RAP1A: variants seen among roughly 807,000 people sequenced by gnomAD.
RAP1A encodes ras-related protein Rap-1A.
RAP1A carries 6 observed loss-of-function variants against 26.4 expected under a neutral mutation model. The observed-to-expected ratio is 0.23, with a 90% CI of 0.12 to 0.45. RAP1A has a LOEUF of 0.45. Ranked by LOEUF, RAP1A falls within the 20% of genes least tolerant of loss-of-function variation. The probability of loss-of-function intolerance (pLI) is 0.99; values close to 1 mark genes in which losing one functional copy is unlikely to be tolerated. For missense variants in RAP1A, 121 were observed against 217.2 expected (o/e 0.56, Z 2.78); for synonymous variants, 73 against 79.4 (o/e 0.92, Z 0.43).
chr1:111,605,239 C>T (rs982750236), intron 1 of RAP1A, among the ~76,000 whole-genome samples: 1 of 152,168 alleles, frequency 6.6e-6, no homozygotes, highest in African/African-American at 2.4e-5. Context: ...GGCCAATTTA[C>T]CCGACCGATT....
In RAP1A at chr1:111,559,634, A is replaced by G. The variant is rs181930455; in HGVS notation, c.-28+17125A>G. Among the ~76,000 whole-genome samples the G allele has an allele frequency of 3.3e-3, 506 of 152,316 alleles. 1 individual carries two copies. Among genetic ancestry groups the G allele is most frequent in the Non-Finnish European group, 5.8e-3 (395 of 68,030 alleles). On this transcript the variant is annotated intron_variant, in intron 1 of 7. Coordinates refer to the RAP1A transcript ENST00000356415. ...CAATGACACAAACTATATTTTGGGA[A>G]AGTATAAGCATTATGCAAATATAAA...
chr1:111,602,107 T>C (rs1330097827), intron 1 of RAP1A: 1 of 152,222 alleles, frequency 6.6e-6, no homozygotes, highest in Non-Finnish European at 1.5e-5. Flanking sequence ...CCAAACAGCG[T>C]TTGCAAACAA....
intron 1 of RAP1A, among the ~76,000 whole-genome samples, chr1:111,613,694 A>T (rs1169831804): frequency 1.3e-5 from 2 of 152,200 alleles, no homozygotes; most frequent in African/African-American, 2.4e-5. Context: ...GCCCTGATTC[A>T]CCTAGACGAG....
intron 1 of RAP1A, among the ~76,000 whole-genome samples, chr1:111,599,139 TTG>T (rs1658618324): frequency 6.6e-6 from 1 of 152,188 alleles, no homozygotes; most frequent in Non-Finnish European, 1.5e-5. Flanking sequence ...CCCTATTCTT[TTG>T]TGTTTTTATG....
intron 1 of RAP1A, among the ~76,000 whole-genome samples, chr1:111,677,159 A>G (rs1257072285): frequency 2.6e-5 from 4 of 152,208 alleles, no homozygotes; most frequent in Non-Finnish European, 5.9e-5. Context: ...TATTTTGCTG[A>G]ACATGTTTTT....
chr1:111,688,368 G>T (rs1453816476), intron 1 of RAP1A, among the ~76,000 whole-genome samples: 8 of 142,898 alleles, frequency 5.6e-5, no homozygotes, highest in Non-Finnish European at 1.1e-4. Flanking sequence ...TGCCCAGGCT[G>T]CAGTGCTGTG....
chr1:111,693,553 C>G (rs557248200), intron 2 of RAP1A, among the ~76,000 whole-genome samples: 2 of 152,178 alleles, frequency 1.3e-5, no homozygotes, highest in South Asian at 4.2e-4. Context: ...AAAATTAAGA[C>G]AGAGGATAAG....
chr1:111,641,554 T>C (rs567168801), intron 1 of RAP1A, among the ~76,000 whole-genome samples: 1 of 152,250 alleles, frequency 6.6e-6, no homozygotes, highest in Non-Finnish European at 1.5e-5. Context: ...AGTTCAAATA[T>C]GGTTTGCGGG....
At chr1:111,610,280 T>C (rs571695816) in intron 1 of RAP1A, among the ~76,000 whole-genome samples, 1 of 152,326 alleles carries the variant, frequency 6.6e-6, no homozygotes, top group African/African-American at 2.4e-5. Context: ...GGCCAATCTA[T>C]AACAATCCTA....
At chr1:111,678,818 T>G (rs1327070534) in intron 1 of RAP1A, among the ~76,000 whole-genome samples, 1 of 152,112 alleles carries the variant, frequency 6.6e-6, no homozygotes, top group Non-Finnish European at 1.5e-5. Flanking sequence ...CACTTGTTAG[T>G]CTGGTAGCAT....
chr1:111,670,609 A>G (rs1660944288), intron 1 of RAP1A, among the ~76,000 whole-genome samples: 1 of 152,236 alleles, frequency 6.6e-6, no homozygotes, highest in Non-Finnish European at 1.5e-5. Flanking sequence ...AATAGAAAAG[A>G]GGTCTACAAT....
intron 1 of RAP1A, among the ~76,000 whole-genome samples, chr1:111,674,000 T>C (rs962473923): frequency 5.9e-5 from 9 of 152,198 alleles, no homozygotes; most frequent in African/African-American, 2.2e-4. Flanking sequence ...GGGCCAAATA[T>C]TTTGTTGTTG....
At chr1:111,651,891 C>A (rs969717384) in intron 1 of RAP1A, among the ~76,000 whole-genome samples, 2 of 151,898 alleles carry the variant, frequency 1.3e-5, no homozygotes, top group Non-Finnish European at 2.9e-5. Context: ...GGATTACAGG[C>A]GTGAGAGACC....
At chr1:111,681,081 C>G (rs1273733461) in intron 1 of RAP1A, among the ~76,000 whole-genome samples, 1 of 152,108 alleles carries the variant, frequency 6.6e-6, no homozygotes, top group Non-Finnish European at 1.5e-5. Flanking sequence ...CCCGTCTCTA[C>G]TAAAAATACA....
chr1:111,572,583 C>A (rs192490750), intron 1 of RAP1A, among the ~76,000 whole-genome samples: 36 of 152,298 alleles, frequency 2.4e-4, no homozygotes, highest in African/African-American at 7.9e-4. Flanking sequence ...AGTTTCACCA[C>A]CCCATCAATC....
At chr1:111,546,327 T>C (rs1019418163) in intron 1 of RAP1A, among the ~76,000 whole-genome samples, 3 of 152,154 alleles carry the variant, frequency 2.0e-5, no homozygotes, top group African/African-American at 4.8e-5. Flanking sequence ...TTAAGTACAT[T>C]TACATTGTTG....
intron 1 of RAP1A, chr1:111,649,623 T>C (rs1480832058): frequency 5.0e-6 from 1 of 200,992 alleles, no homozygotes; most frequent in African/African-American, 2.3e-5. Flanking sequence ...TATCATTGCC[T>C]AATATCCCTT....
At chr1:111,662,105 A>G (rs1660655022) in intron 1 of RAP1A, among the ~76,000 whole-genome samples, 1 of 152,028 alleles carries the variant, frequency 6.6e-6, no homozygotes, top group African/African-American at 2.4e-5. Context: ...TGAAAAAATT[A>G]ACTTGATTGG....
At chr1:111,576,853 G>A (rs971544320) in intron 1 of RAP1A, among the ~76,000 whole-genome samples, 4 of 152,218 alleles carry the variant, frequency 2.6e-5, no homozygotes, top group African/African-American at 9.6e-5. Context: ...GGAGTATGGA[G>A]AGGGAAAACA....
Sources: gnomAD v4.1 joint callset for allele counts (sites outside exome capture counted in the v4.1 genomes callset) on GRCh38, gnomAD v4.1.1 for gene constraint, MANE v1.5 for transcripts, NCBI Gene and HGNC (gene_info 2026-07-23, HGNC 2026-07-21) for gene names.